Variants in CRYBG3 observed in about 807,000 individuals in gnomAD.
CRYBG3 encodes the protein crystallin beta-gamma domain containing 3, also known as very large A-kinase anchor protein.
A neutral mutation model predicts 244.2 loss-of-function variants in CRYBG3; 127 were observed. That is an observed-to-expected ratio of 0.52 (90% CI 0.45 to 0.60). The LOEUF is 0.60. Ranked by LOEUF, CRYBG3 falls within the 20% of genes least tolerant of loss-of-function variation. The pLI is 0.00. For missense variants in CRYBG3, 3,325 were observed against 3,442.5 expected (o/e 0.97, Z 0.85); for synonymous variants, 1,132 against 1,195.8 (o/e 0.95, Z 1.10).
chr3:97,872,818 T>G lies in CRYBG3; in HGVS notation c.1624T>G (p.Ser542Ala). The part of the protein sequence containing the change: ...ESASAGESIA[S>A]SHVKAPEDKI... ...TGCCTCAGCTGGTGAATCCATAGCT[T>G]CAAGTCATGTAAAAGCTCCAGAAGA... The change falls in exon 4 of 22, where the codon TCA (serine) becomes GCA (alanine). Residue 542 changes from serine (S) to alanine (A), a missense_variant. Physicochemically the swap from Ser to Ala is moderately conservative, Grantham distance 99. This residue lies in a region of CRYBG3 where 1,526 missense variants were observed against 1,443.2 expected (regional missense o/e 1.06). Coordinates refer to ENST00000389622, the MANE Select transcript of CRYBG3 (RefSeq NM_153605.4). 1 of 1,535,924 alleles carries G rather than the reference T, an allele frequency of 6.5e-7. No homozygotes were observed.
Position 97,881,180 on chromosome 3 carries a change from A to G in CRYBG3, c.7113A>G (p.Gln2371=), listed in dbSNP as rs1576541798. The G allele has an allele frequency of 6.2e-7, 1 of 1,610,772 alleles. No homozygotes were observed. The highest frequency in any genetic ancestry group is 2.2e-5 in the East Asian group (1 of 44,722). ...TTCTTCAGAACAGAAGGCATCCACA[A>G]AGAAACTTTATATTGGGTTCTCTCA... ...DWILQNRRHP[Q]RNFILGSLKR... is the part of the protein sequence containing the mutation. The change falls in exon 7 of 22, where the codon CAA becomes CAG. Residue 2371 remains glutamine, a synonymous_variant. Coordinates refer to ENST00000389622, the MANE Select transcript of CRYBG3 (RefSeq NM_153605.4).
chr3:97,918,811 CTATT>C (rs2039954207), intron 17 of CRYBG3, among the ~76,000 whole-genome samples: 1 of 152,178 alleles, frequency 6.6e-6, no homozygotes, highest in Non-Finnish European at 1.5e-5. Context: ...GGGGACATGA[CTATT>C]TTCATGACAG....
rs557340448 is a variant in CRYBG3 at position 97,944,453 on chromosome 3, T to A, written c.*1139T>A. The A allele has an allele frequency of 6.6e-6, 1 of 152,508 alleles. No homozygotes were observed. Among genetic ancestry groups the A allele is most frequent in the South Asian group, 2.1e-4 (1 of 4,824 alleles). The allele number at this position is 152,508 out of a possible 1,614,324, so 9.4% of individuals were successfully genotyped here. ...AGAAAGCAGAAAAATGCTCTATTTT[T>A]ATAAAGAAAGATTAAATTCTCCAAT... On this transcript the variant is annotated 3_prime_UTR_variant, in exon 22 of 22. Coordinates refer to ENST00000389622, the MANE Select transcript of CRYBG3 (RefSeq NM_153605.4).
chr3:97,904,439 C>T (rs112818058), intron 15 of CRYBG3, among the ~76,000 whole-genome samples: 7 of 151,858 alleles, frequency 4.6e-5, no homozygotes, highest in South Asian at 2.1e-4. Flanking sequence ...TTGATTTTTC[C>T]GGGTATGAAG....
intron 17 of CRYBG3, among the ~76,000 whole-genome samples, chr3:97,917,704 CT>C (rs747973065): frequency 1.3e-5 from 2 of 152,100 alleles, no homozygotes; most frequent in African/African-American, 4.8e-5. Flanking sequence ...GTCCTGGGCA[CT>C]TTTTCCCCCT....
intron 4 of CRYBG3, among the ~76,000 whole-genome samples, chr3:97,879,491 C>T (rs1283027223): frequency 6.6e-6 from 1 of 152,116 alleles, no homozygotes; most frequent in Non-Finnish European, 1.5e-5. Context: ...TCTGTTTGAC[C>T]CATTCTAAGC....
intron 17 of CRYBG3, among the ~76,000 whole-genome samples, chr3:97,924,836 TAACATATTC>T (rs1438307221): frequency 6.6e-6 from 1 of 152,120 alleles, no homozygotes; most frequent in African/African-American, 2.4e-5. Flanking sequence ...CCATGTTAGG[TAACATATTC>T]AACATATTCA....
intron 17 of CRYBG3, among the ~76,000 whole-genome samples, chr3:97,917,420 G>A (rs1498656): frequency 6.6e-6 from 1 of 152,206 alleles, no homozygotes; most frequent in South Asian, 2.1e-4. Flanking sequence ...GTTTATGTAA[G>A]GGTAGCATGT....
chr3:97,886,880 C>A, intron 8 of CRYBG3, 113 bp downstream of exon 8: 3 of 855,870 alleles, frequency 3.5e-6, no homozygotes, highest in Non-Finnish European at 5.3e-6. Flanking sequence ...CTCAGTCACC[C>A]AAGAAAGACT....
At chr3:97,917,414 A>G (rs2039939924) in intron 17 of CRYBG3, among the ~76,000 whole-genome samples, 1 of 152,164 alleles carries the variant, frequency 6.6e-6, no homozygotes, top group Non-Finnish European at 1.5e-5. Context: ...TATTCAGTTT[A>G]TGTAAGGGTA....
chr3:97,936,757 A>G, intron 18 of CRYBG3, 28 bp from the exon 19 acceptor site: 10 of 1,606,644 alleles, frequency 6.2e-6, no homozygotes, highest in South Asian at 1.1e-5. Context: ...TTTGAAGTAC[A>G]CTACTTTTTT....
chr3:97,871,294 A>G (rs138592480), intron 3 of CRYBG3, among the ~76,000 whole-genome samples: 121 of 152,358 alleles, frequency 7.9e-4, no homozygotes, highest in African/African-American at 2.8e-3. Flanking sequence ...TATTGAGTTA[A>G]CAAATACATA....
chr3:97,897,330 C>T (rs2039650516), intron 12 of CRYBG3, among the ~76,000 whole-genome samples: 2 of 151,982 alleles, frequency 1.3e-5, no homozygotes, highest in Non-Finnish European at 2.9e-5. Flanking sequence ...AATTACTGAT[C>T]CTTAAGACTT....
At chr3:97,897,382 T>C (rs2039650945) in intron 12 of CRYBG3, among the ~76,000 whole-genome samples, 1 of 152,140 alleles carries the variant, frequency 6.6e-6, no homozygotes. Flanking sequence ...GTTCTCTTAG[T>C]AGTAGGGAGT....
At chr3:97,848,818 AC>A (rs1559717798) in intron 2 of CRYBG3, among the ~76,000 whole-genome samples, 3 of 152,182 alleles carry the variant, frequency 2.0e-5, no homozygotes, top group African/African-American at 7.2e-5. Context: ...TCTTTTTCAA[AC>A]ATAACAGTGC....
At chr3:97,836,053 CT>C (rs1035691903) in intron 1 of CRYBG3, among the ~76,000 whole-genome samples, 1 of 152,032 alleles carries the variant, frequency 6.6e-6, no homozygotes, top group Non-Finnish European at 1.5e-5. Context: ...TGTGATTTAA[CT>C]GTAATTATGG....
chr3:97,874,920 C>T lies in CRYBG3; in HGVS notation c.3726C>T (p.Asp1242=). 21 of 1,535,424 alleles carry T rather than the reference C, an allele frequency of 1.4e-5. No homozygotes were observed. The highest frequency in any genetic ancestry group is 1.7e-5 in the Non-Finnish European group (20 of 1,146,656). Reference sequence around the variant, plus strand: ...TGAATCTGGGTACCCTGAAAGAAGACATCTCTGAGAAAAACCCATCAGAAG... The same window carrying T: ...TGAATCTGGGTACCCTGAAAGAAGATATCTCTGAGAAAAACCCATCAGAAG... The part of the protein sequence containing the change: ...GIMNLGTLKE[D]ISEKNPSEVT... Residue 1242 remains aspartate (D), a synonymous_variant, in exon 4 of 22, where the codon GAC becomes GAT. Transcript: ENST00000389622.
At chr3:97,925,846 A>AT (rs34819472) in intron 17 of CRYBG3, among the ~76,000 whole-genome samples, 12 of 151,712 alleles carry the variant, frequency 7.9e-5, no homozygotes, top group Admixed American at 3.3e-4. Flanking sequence ...ATGTATCATA[A>AT]TTTTTTTTTA....
chr3:97,896,135 C>T (rs1559736397), intron 12 of CRYBG3, 50 bp downstream of exon 12: 2 of 1,544,992 alleles, frequency 1.3e-6, no homozygotes, highest in African/African-American at 2.8e-5. Flanking sequence ...AAAATCTGTT[C>T]ACAAAAATTG....
Sources: gnomAD v4.1 joint callset for allele counts (sites outside exome capture counted in the v4.1 genomes callset) on GRCh38, gnomAD v4.1.1 for gene constraint, gnomAD v4.1.1 regional missense constraint, MANE v1.5 for transcripts, NCBI Gene and HGNC (gene_info 2026-07-23, HGNC 2026-07-21) for gene names.